The following RPAP2 variants were observed in gnomAD, a reference collection of about 807,000 sequenced individuals.
RPAP2 encodes putative RNA polymerase II subunit B1 CTD phosphatase RPAP2.
A neutral mutation model predicts 73.1 loss-of-function variants in RPAP2; 52 were observed. The observed-to-expected ratio is 0.71, with a 90% CI of 0.57 to 0.90. The LOEUF is 0.90. Among genes scored for constraint, RPAP2 ranks in the 40% least tolerant of loss-of-function variants. The probability of loss-of-function intolerance (pLI) is 0.00; values close to 1 mark genes in which losing one functional copy is unlikely to be tolerated. For synonymous variants in RPAP2, 225 were observed against 242.1 expected, an observed-to-expected ratio of 0.93 and a Z score of 0.65; for missense variants, 598 against 701.8, an observed-to-expected ratio of 0.85 and a Z score of 1.67.
chr1:92,299,284 T>A, intron 1 of RPAP2, 138 bp downstream of exon 1: 1 of 460,748 alleles, frequency 2.2e-6, no homozygotes, highest in Non-Finnish European at 3.9e-6. Flanking sequence ...GCCGAAAGCT[T>A]CCCACCGCCG....
chr1:92,381,604 T>TTA (rs1655638255), intron 12 of RPAP2, among the ~76,000 whole-genome samples: 1 of 150,000 alleles, frequency 6.7e-6, no homozygotes, highest in South Asian at 2.1e-4. Flanking sequence ...TTTTTTTTTT[T>TTA]AACGTTTTTT....
chr1:92,304,009 T>C lies in RPAP2; in HGVS notation c.267T>C (p.Asp89=). ...GRFITPAHYS[D]VVDERSIVKL... Reference sequence around the variant, plus strand: ...TCATTACACCTGCTCACTACAGTGATGTCGTGGATGAACGTTCTATTGTCA... The same window carrying C: ...TCATTACACCTGCTCACTACAGTGACGTCGTGGATGAACGTTCTATTGTCA... Residue 89 remains aspartate, a synonymous_variant, in exon 4 of 13, where the codon GAT becomes GAC. Coordinates refer to ENST00000610020, the MANE Select transcript of RPAP2 (RefSeq NM_024813.3). 1.2e-6 allele frequency: 2 copies of C among 1,613,026 alleles called. No homozygotes were observed. Among genetic ancestry groups the C allele is most frequent in the South Asian group, 1.1e-5 (1 of 90,820 alleles).
At chr1:92,309,992 G>C (rs1435438783) in intron 6 of RPAP2, among the ~76,000 whole-genome samples, 2 of 152,086 alleles carry the variant, frequency 1.3e-5, no homozygotes, top group Admixed American at 6.5e-5. Flanking sequence ...GAGCTAAAAG[G>C]GTCCTTAGAG....
At chr1:92,328,094 CTT>C (rs935540557) in intron 8 of RPAP2, among the ~76,000 whole-genome samples, 7 of 152,136 alleles carry the variant, frequency 4.6e-5, no homozygotes, top group African/African-American at 1.7e-4. Flanking sequence ...AGATTCTTTC[CTT>C]CATCTTGACT....
intron 2 of RPAP2, 122 bp from the exon 3 acceptor site, chr1:92,301,354 A>T (rs376383002): frequency 8.0e-4 from 321 of 399,654 alleles, no homozygotes; most frequent in African/African-American, 6.2e-3. Context: ...TATTCAAAAA[A>T]TTTTTTAAAT....
Position 92,394,332 on chromosome 1 carries a change from G to A in RPAP2, c.*7321G>A, listed in dbSNP as rs1311974322. On this transcript the variant is annotated 3_prime_UTR_variant, in exon 13 of 13. Transcript: ENST00000610020. ...CACACACCAGGGCCTGTGGGGGGTGGGGGGCTAAGGGAGGGATAACATTAG... is the reference window on the plus strand; with the variant it reads ...CACACACCAGGGCCTGTGGGGGGTGAGGGGCTAAGGGAGGGATAACATTAG... The A allele has an allele frequency of 6.6e-6, 1 of 152,118 alleles. No individual in the cohort carries two copies. The highest frequency in any genetic ancestry group is 1.5e-5 in the Non-Finnish European group (1 of 68,046). 9.4% of individuals were successfully genotyped at this position (152,118 alleles called of 1,614,324 possible).
intron 8 of RPAP2, 95 bp from the exon 9 acceptor site, chr1:92,333,296 A>G (rs1166038739): frequency 4.2e-6 from 4 of 961,980 alleles, no homozygotes; most frequent in Non-Finnish European, 6.5e-6. Flanking sequence ...TGCCACAGAT[A>G]CAAACTTTTG....
At chr1:92,316,413 T>C (rs1238749780) in intron 6 of RPAP2, among the ~76,000 whole-genome samples, 3 of 152,234 alleles carry the variant, frequency 2.0e-5, no homozygotes, top group Non-Finnish European at 4.4e-5. Flanking sequence ...CTGCTGCTTC[T>C]GTTGGTTTAC....
rs141103779 is a variant in RPAP2 at position 92,299,640 on chromosome 1, A to G, written c.73+494A>G. Among the ~76,000 whole-genome samples, 78 of 152,314 alleles carry G rather than the reference A, an allele frequency of 5.1e-4. 2 individuals carry two copies. In the East Asian group the frequency reaches 0.014, roughly 28 times the overall value. On this transcript the variant is annotated intron_variant, in intron 1 of 12. Coordinates refer to ENST00000610020, the MANE Select transcript of RPAP2 (RefSeq NM_024813.3). Reference sequence around the variant, plus strand: ...TTCAGGAGTGGTTAATTAAGCAACTATGATACAGAAGAAAATTCAATCCCC... The same window carrying G: ...TTCAGGAGTGGTTAATTAAGCAACTGTGATACAGAAGAAAATTCAATCCCC...
At chr1:92,344,862 T>C (rs544136814) in intron 10 of RPAP2, among the ~76,000 whole-genome samples, 1 of 152,304 alleles carries the variant, frequency 6.6e-6, no homozygotes, top group East Asian at 1.9e-4. Context: ...CCATTTCAAA[T>C]TTCCTCCTCT....
Position 92,396,253 on chromosome 1 carries a change from C to T in RPAP2, c.*9242C>T, listed in dbSNP as rs1165820101. On this transcript the variant is annotated 3_prime_UTR_variant, in exon 13 of 13. Transcript: ENST00000610020. ...CTCACTATGTTGCATACTCTGAAGT[C>T]AAACTCCTGGGCTCAAACAATCCTC... 6.6e-6 allele frequency: 1 copy of T among 150,740 alleles called. No homozygotes were observed. The highest frequency in any genetic ancestry group is 1.5e-5 in the Non-Finnish European group (1 of 67,842). 9.3% of individuals were successfully genotyped at this position (150,740 alleles called of 1,614,324 possible).
At chr1:92,369,752 T>A (rs974734930) in intron 11 of RPAP2, among the ~76,000 whole-genome samples, 4 of 152,004 alleles carry the variant, frequency 2.6e-5, no homozygotes, top group African/African-American at 9.7e-5. Context: ...ACTGCACAGA[T>A]AAAGGAATAA....
rs888765051 is a variant in RPAP2, at chr1:92,319,001, T to G, written c.489-1598T>G. 1.6e-4 allele frequency among the ~76,000 whole-genome samples: 24 copies of G among 152,198 alleles called. 1 individual carries two copies. Among genetic ancestry groups the G allele is most frequent in the Admixed American group, 1.5e-3 (23 of 15,286 alleles). ...TGATCAAAGGATTGTTTGTTTGTTT[T>G]TTTTAAGAGATTGGGTAGATTTAAA... On this transcript the variant is annotated intron_variant, in intron 6 of 12. Transcript: ENST00000610020.
intron 1 of RPAP2, among the ~76,000 whole-genome samples, 175 bp from the exon 2 acceptor site, chr1:92,300,019 G>A (rs944000632): frequency 1.3e-5 from 2 of 152,176 alleles, no homozygotes; most frequent in Non-Finnish European, 2.9e-5. Context: ...TTGCTCCCAG[G>A]CTACAAACCT....
rs569372111 is a variant in RPAP2 at position 92,301,257 on chromosome 1, G to A, written c.120-219G>A. ...CCAGCACTTTGGGAGGCTGAGGTGG[G>A]AGTGTTGCTTGAGGCCAGGAGCTCG... On this transcript the variant is annotated intron_variant, in intron 2 of 12. Coordinates refer to ENST00000610020, the MANE Select transcript of RPAP2 (RefSeq NM_024813.3). 2.6e-5 allele frequency among the ~76,000 whole-genome samples: 4 copies of A among 152,338 alleles called. No individual in the cohort carries two copies. In the East Asian group the frequency reaches 7.7e-4, roughly 29 times the overall value.
intron 11 of RPAP2, among the ~76,000 whole-genome samples, chr1:92,349,775 A>G (rs1484671284): frequency 6.6e-6 from 1 of 152,124 alleles, no homozygotes. Context: ...AAAAAATAAA[A>G]ACATTAGCCA....
rs1293690077 is a variant in RPAP2 at position 92,390,502 on chromosome 1, C to A, written c.*3491C>A. ...CTGCATCAATTAATGGATGAAATAA[C>A]CAGCTAGCATCATAATGACAGGATC... is the stretch of plus-strand genomic sequence containing the variant. On this transcript the variant is annotated 3_prime_UTR_variant, in exon 13 of 13. Transcript: ENST00000610020. 1 of 152,146 alleles carries A rather than the reference C, an allele frequency of 6.6e-6. No homozygotes were observed. Among genetic ancestry groups the A allele is most frequent in the Non-Finnish European group, 1.5e-5 (1 of 68,024 alleles). The allele number at this position is 152,146 out of a possible 1,614,324, so 9.4% of individuals were successfully genotyped here. A position where few individuals can be genotyped will look rare whatever the true frequency, so the allele number is the denominator to read the frequency against.
intron 3 of RPAP2, 84 bp from the exon 4 acceptor site, chr1:92,303,893 A>G: frequency 1.2e-6 from 1 of 843,872 alleles, no homozygotes; most frequent in Admixed American, 2.7e-5. Flanking sequence ...CTGTGTTTTC[A>G]GATAAGATTG....
chr1:92,379,560 T>C (rs564891576), intron 11 of RPAP2, among the ~76,000 whole-genome samples: 6 of 152,186 alleles, frequency 3.9e-5, no homozygotes, highest in Non-Finnish European at 8.8e-5. Flanking sequence ...TGGAAATGAT[T>C]AGAGAAAAAA....
Sources: gnomAD v4.1 joint callset for allele counts (sites outside exome capture counted in the v4.1 genomes callset) on GRCh38, gnomAD v4.1.1 for gene constraint, MANE v1.5 for transcripts, NCBI Gene and HGNC (gene_info 2026-07-23, HGNC 2026-07-21) for gene names.